TSHR: variants seen among roughly 807,000 people sequenced by gnomAD.
The protein encoded by TSHR is thyrotropin receptor.
Under a neutral mutation model 64.1 loss-of-function variants are expected in TSHR, and 51 were observed. That is an observed-to-expected ratio of 0.80 (90% CI 0.64 to 1.01). The LOEUF (loss-of-function observed/expected upper bound fraction) is 1.01, where lower values mean the gene tolerates loss of function less well. TSHR is among the 50% of genes least tolerant of loss of function. The pLI, the probability that TSHR is intolerant of heterozygous loss-of-function variation, is 0.00. For synonymous variants in TSHR, 361 were observed against 361.9 expected, an observed-to-expected ratio of 1.00 and a Z score of 0.03; for missense variants, 877 against 942.8, an observed-to-expected ratio of 0.93 and a Z score of 0.91.
Position 81,143,533 on chromosome 14 carries a change from C to T in TSHR, c.1475C>T (p.Pro492Leu). 1.2e-6 allele frequency: 2 copies of T among 1,613,546 alleles called. No individual in the cohort carries two copies. Among genetic ancestry groups the T allele is most frequent in the East Asian group, 4.5e-5 (2 of 44,886 alleles). Residue 492 changes from proline (P) to leucine (L), a missense_variant, in exon 10 of 10, where the codon CCT (proline) becomes CTT (leucine). Pro to Leu is a moderately conservative substitution (Grantham distance 98, BLOSUM62 -3). Transcript: ENST00000298171. ...CATGCCATCGACTGGCAGACAGGCC[C>T]TGGGTGCAACACGGCTGGTTTCTTC... ...YNHAIDWQTG[P>L]GCNTAGFFTV...
chr14:81,128,453 C>A (rs955761857), intron 8 of TSHR, among the ~76,000 whole-genome samples: 7 of 152,190 alleles, frequency 4.6e-5, no homozygotes, highest in African/African-American at 1.7e-4. Context: ...TAAGATTATT[C>A]TTGCACCTGT....
At chr14:81,040,683 G>C (rs1229703618) in intron 1 of TSHR, among the ~76,000 whole-genome samples, 1 of 152,076 alleles carries the variant, frequency 6.6e-6, no homozygotes, top group Non-Finnish European at 1.5e-5. Context: ...GTAAACTAAA[G>C]AGCTTTGGCA....
At chr14:81,068,162 G>T in intron 2 of TSHR, 92 bp from the exon 3 acceptor site, 1 of 1,157,702 alleles carries the variant, frequency 8.6e-7, no homozygotes, top group Non-Finnish European at 1.3e-6. Context: ...GATCTGGGAA[G>T]CGCATAACAA....
At chr14:81,013,380 C>T (rs1300162106) in intron 1 of TSHR, 1 of 152,118 alleles carries the variant, frequency 6.6e-6, no homozygotes, top group Middle Eastern at 3.2e-3. Context: ...TAGTGTGATG[C>T]CTCCAGCTTT....
intron 1 of TSHR, among the ~76,000 whole-genome samples, chr14:81,019,541 T>C (rs2139796007): frequency 6.6e-6 from 1 of 150,536 alleles, no homozygotes; most frequent in East Asian, 2.0e-4. Flanking sequence ...ACATGTGCCA[T>C]GGCTGTTTGC....
At chr14:80,968,675 T>C (rs991918790) in intron 1 of TSHR, among the ~76,000 whole-genome samples, 3 of 152,226 alleles carry the variant, frequency 2.0e-5, no homozygotes, top group Admixed American at 6.5e-5. Flanking sequence ...TCTTGTCATA[T>C]ATAGCTGCTG....
At chr14:80,961,199 A>G (rs1335557132) in intron 1 of TSHR, among the ~76,000 whole-genome samples, 2 of 152,230 alleles carry the variant, frequency 1.3e-5, no homozygotes, top group East Asian at 3.8e-4. Flanking sequence ...GCAAATCTTT[A>G]CTAAGGACTA....
chr14:80,986,524 T>C (rs1888456888), intron 1 of TSHR, among the ~76,000 whole-genome samples: 1 of 152,210 alleles, frequency 6.6e-6, no homozygotes, highest in South Asian at 2.1e-4. Context: ...TTCGCTCTTG[T>C]TGCCTAGGCT....
At chr14:81,024,716 A>C (rs1466593187) in intron 1 of TSHR, among the ~76,000 whole-genome samples, 2 of 152,138 alleles carry the variant, frequency 1.3e-5, no homozygotes, top group Non-Finnish European at 2.9e-5. Flanking sequence ...CACTAGATTC[A>C]TTTATCTTGA....
chr14:81,032,772 G>T, intron 1 of TSHR: 2 of 424,118 alleles, frequency 4.7e-6, no homozygotes, highest in Non-Finnish European at 4.6e-6. Context: ...ATTGGTGGAA[G>T]TTGATACATG....
At chr14:80,967,283 ATTTT>A (rs35619720) in intron 1 of TSHR, among the ~76,000 whole-genome samples, 1 of 111,872 alleles carries the variant, frequency 8.9e-6, no homozygotes, top group Non-Finnish European at 1.8e-5. Flanking sequence ...CCTGACTTAC[ATTTT>A]TTTTTTTTTT....
intron 1 of TSHR, among the ~76,000 whole-genome samples, chr14:81,033,731 A>G (rs1457871747): frequency 6.6e-6 from 1 of 152,196 alleles, no homozygotes; most frequent in East Asian, 1.9e-4. Context: ...GAAATCAAAA[A>G]GTACAGCCTA....
At chr14:80,977,061 T>C (rs1566744974) in intron 1 of TSHR, among the ~76,000 whole-genome samples, 1 of 152,242 alleles carries the variant, frequency 6.6e-6, no homozygotes, top group Non-Finnish European at 1.5e-5. Flanking sequence ...CTCTGGATTA[T>C]GTGATATGTG....
chr14:81,124,478 C>G (rs1205704221), intron 8 of TSHR, among the ~76,000 whole-genome samples: 1 of 152,074 alleles, frequency 6.6e-6, no homozygotes, highest in Non-Finnish European at 1.5e-5. Context: ...TTTCATTATC[C>G]AGAAAGTTCC....
intron 1 of TSHR, among the ~76,000 whole-genome samples, chr14:80,976,067 A>G (rs1887855732): frequency 1.3e-5 from 2 of 152,076 alleles, no homozygotes; most frequent in Non-Finnish European, 2.9e-5. Context: ...ACCCGCAACC[A>G]CGCCCGGCTA....
intron 8 of TSHR, among the ~76,000 whole-genome samples, chr14:81,124,591 T>C (rs986254584): frequency 1.3e-5 from 2 of 152,140 alleles, no homozygotes; most frequent in Non-Finnish European, 2.9e-5. Context: ...TCTATATATA[T>C]GTCTTTATGT....
intron 1 of TSHR, chr14:80,993,397 A>C (rs929216102): frequency 6.6e-6 from 1 of 152,130 alleles, no homozygotes; most frequent in African/African-American, 2.4e-5. Context: ...ACTAGGGAAA[A>C]TAATAATATT....
chr14:81,087,212 T>C (rs919582919), intron 3 of TSHR, among the ~76,000 whole-genome samples: 1 of 152,252 alleles, frequency 6.6e-6, no homozygotes, highest in African/African-American at 2.4e-5. Context: ...GGTTCTTATA[T>C]ACTTTTCATG....
Position 81,108,417 on chromosome 14 carries a change from T to G in TSHR, c.657T>G (p.Asp219Glu). The G allele has an allele frequency of 6.2e-7, 1 of 1,613,798 alleles. No individual in the cohort carries two copies. Among genetic ancestry groups the G allele is most frequent in the Non-Finnish European group, 8.5e-7 (1 of 1,179,920 alleles). ...KNKYLTVIDK[D>E]AFGGVYSGPS... ...AATACCTGACAGTTATTGACAAAGATGCATTTGGAGGAGTATACAGTGGAC... is the reference window on the plus strand; with the variant it reads ...AATACCTGACAGTTATTGACAAAGAGGCATTTGGAGGAGTATACAGTGGAC... The change falls in exon 8 of 10, where the codon GAT becomes GAG. Residue 219 changes from aspartate to glutamate, a missense_variant. Asp to Glu is a conservative substitution (Grantham distance 45). Coordinates refer to ENST00000298171, the MANE Select transcript of TSHR (RefSeq NM_000369.5).
Sources: gnomAD v4.1 joint callset for allele counts (sites outside exome capture counted in the v4.1 genomes callset) on GRCh38, gnomAD v4.1.1 for gene constraint, MANE v1.5 for transcripts, NCBI Gene and HGNC (gene_info 2026-07-23, HGNC 2026-07-21) for gene names.